The following AGRN variants were observed in gnomAD, a reference collection of about 807,000 sequenced individuals.
AGRN encodes the protein agrin.
AGRN carries 106 observed loss-of-function variants against 211.0 expected under a neutral mutation model. The observed-to-expected ratio is 0.50, with a 90% CI of 0.43 to 0.59. The LOEUF (loss-of-function observed/expected upper bound fraction) is 0.59, where lower values mean the gene tolerates loss of function less well. Among genes scored for constraint, AGRN ranks in the 20% least tolerant of loss-of-function variants. The probability of loss-of-function intolerance (pLI) is 0.00; values close to 1 mark genes in which losing one functional copy is unlikely to be tolerated. For missense variants in AGRN, 3,040 were observed against 2,982.6 expected (o/e 1.02, Z -0.45); for synonymous variants, 1,525 against 1,332.5 (o/e 1.14, Z -3.15).
chr1:1,041,115 AGCGGGGCG>A, intron 4 of AGRN, 50 bp from the exon 5 acceptor site: 1 of 706,894 alleles, frequency 1.4e-6, no homozygotes, highest in Non-Finnish European at 1.8e-6. Flanking sequence ...GCGGGGCGGG[AGCGGGGCG>A]GGAGCGGGGG....
chr1:1,054,590 G>A (rs986862015), intron 35 of AGRN, 39 bp downstream of exon 35: 3 of 1,553,780 alleles, frequency 1.9e-6, no homozygotes, highest in South Asian at 1.2e-5. Flanking sequence ...ATGCCCAAGG[G>A]TCTCATGATA....
intron 33 of AGRN, chr1:1,052,371 C>CTG (rs1035417514): frequency 5.9e-6 from 2 of 340,170 alleles, no homozygotes; most frequent in Admixed American, 8.4e-5. Flanking sequence ...GAATATCCAG[C>CTG]TGTGTGTGTG....
rs373117366 is a variant in AGRN at position 1,049,333 on chromosome 1, G to A, written c.4396G>A (p.Gly1466Ser). 4 of 1,598,174 alleles carry A rather than the reference G, an allele frequency of 2.5e-6. No homozygotes were observed. Among genetic ancestry groups the A allele is most frequent in the Non-Finnish European group, 2.5e-6 (3 of 1,179,546 alleles). Residue 1466 changes from glycine to serine, a missense_variant, in exon 25 of 36, where the codon GGC (glycine) becomes AGC (serine). By Grantham distance (56) the Gly-to-Ser change is moderately conservative (BLOSUM62 0). Transcript: ENST00000379370. ...GGAGCTGTCCCGGCACTGGCGCCGG[G>A]GCACCCTCTCGGTGGATGGTGAGAC... ...RLELSRHWRRGTLSVDGETPV... is the reference protein window; with the variant it reads ...RLELSRHWRRSTLSVDGETPV...
In AGRN at chr1:1,053,712, G is replaced by A. The variant is rs369508458; in HGVS notation, c.5652-41G>A. On this transcript the variant is annotated intron_variant, in intron 33 of 35. Coordinates refer to ENST00000379370, the MANE Select transcript of AGRN (RefSeq NM_198576.4). Reference sequence around the variant, plus strand: ...CCCGCCTCCCCCACCCTGTCCTGTTGCCACCTTCCTAGAGGCCCTGACCTG... The same window carrying A: ...CCCGCCTCCCCCACCCTGTCCTGTTACCACCTTCCTAGAGGCCCTGACCTG... The A allele has an allele frequency of 1.4e-5, 17 of 1,242,062 alleles. No homozygotes were observed. In the East Asian group the frequency reaches 2.3e-4, roughly 17 times the overall value. The allele number at this position is 1,242,062 out of a possible 1,614,324, so 76.9% of individuals were successfully genotyped here. A position where few individuals can be genotyped will look rare whatever the true frequency, so the allele number is the denominator to read the frequency against.
At position 1,044,385 on chromosome 1, in the gene AGRN, G is replaced by A; in HGVS notation, c.2200G>A (p.Ala734Thr). Reference sequence around the variant, plus strand: ...CAGCACCGAGTGTGAGCTGAAGAAGGCCAGGTGTGAGTCACAGCGAGGGCT... The same window carrying A: ...CAGCACCGAGTGTGAGCTGAAGAAGACCAGGTGTGAGTCACAGCGAGGGCT... The part of the protein sequence containing the change: ...TYSTECELKK[A>T]RCESQRGLYV... The change falls in exon 12 of 36, where the codon GCC (alanine) becomes ACC (threonine). Residue 734 changes from alanine to threonine, a missense_variant. Ala to Thr is a moderately conservative substitution (Grantham distance 58). Around this residue, in one of 3 missense-constraint regions of AGRN, gnomAD observed 1,498 missense variants for 1,457.8 expected, o/e 1.03. Transcript: ENST00000379370. The A allele has an allele frequency of 6.2e-7, 1 of 1,612,664 alleles. No homozygotes were observed.
At position 1,024,182 on chromosome 1, in the gene AGRN, G is replaced by A. The variant is rs548840245; in HGVS notation, c.463+1720G>A. ...TAGACCAGGGATATCTCGGGTGGCT[G>A]GGGTCCCTGGCTGCCGGGACAGGGT... is the stretch of plus-strand genomic sequence containing the variant. On this transcript the variant is annotated intron_variant, in intron 2 of 35. Coordinates refer to ENST00000379370, the MANE Select transcript of AGRN (RefSeq NM_198576.4). 2.0e-4 allele frequency among the ~76,000 whole-genome samples: 30 copies of A among 152,206 alleles called. No individual in the cohort carries two copies. In the South Asian group the frequency reaches 6.2e-3, roughly 32 times the overall value.
chr1:1,028,330 C>G (rs924947548), intron 2 of AGRN, among the ~76,000 whole-genome samples: 16 of 141,732 alleles, frequency 1.1e-4, no homozygotes, highest in South Asian at 2.4e-4. Flanking sequence ...GCCCCCCCCC[C>G]CCCCCCGCCC....
chr1:1,031,900 G>T lies in AGRN; in HGVS notation c.464-3377G>T, dbSNP rs1022978087. Among the ~76,000 whole-genome samples, 2 of 152,244 alleles carry T rather than the reference G, an allele frequency of 1.3e-5. No homozygotes were observed. Among genetic ancestry groups the T allele is most frequent in the African/African-American group, 4.8e-5 (2 of 41,464 alleles). On this transcript the variant is annotated intron_variant, in intron 2 of 35. Coordinates refer to ENST00000379370, the MANE Select transcript of AGRN (RefSeq NM_198576.4). The surrounding 1 kb of genome is among the most constrained non-coding windows in gnomAD (Gnocchi z 4.8). ...TGCCCCTGGGACTCAGAGCTGGGAG[G>T]TGAGAAATGGGGAATGCATGTGAAC...
At chr1:1,026,752 G>A (rs1412335932) in intron 2 of AGRN, among the ~76,000 whole-genome samples, 1 of 152,188 alleles carries the variant, frequency 6.6e-6, no homozygotes, top group Admixed American at 6.5e-5. Context: ...CCCACCTCAG[G>A]ATGGAACCCC....
intron 2 of AGRN, among the ~76,000 whole-genome samples, chr1:1,027,125 C>A (rs1363307955): frequency 3.9e-5 from 6 of 152,222 alleles, no homozygotes; most frequent in Non-Finnish European, 8.8e-5. Flanking sequence ...ACGGCCCCTC[C>A]CAGCCCCCTC....
chr1:1,054,199 C>T (rs139376381), intron 34 of AGRN, among the ~76,000 whole-genome samples: 4 of 152,314 alleles, frequency 2.6e-5, no homozygotes, highest in East Asian at 1.9e-4. Context: ...CGGAGCCTGC[C>T]GGGGGTCGCT....
Position 1,051,605 on chromosome 1 carries a change from C to T in AGRN, c.5523C>T (p.Cys1841=), listed in dbSNP as rs764192209. 3.1e-6 allele frequency: 5 copies of T among 1,608,124 alleles called. No individual in the cohort carries two copies. The highest frequency in any genetic ancestry group is 1.7e-4 in the Middle Eastern group (1 of 6,040). ...SCVPREAAYV[C]LCPGGFSGPH... ...TCCCGAGGGAGGCTGCCTATGTGTG[C>T]CTGTGTCCCGGGGGATTCTCAGGAC... The change falls in exon 32 of 36, where the codon TGC becomes TGT. Residue 1841 remains cysteine (C), a synonymous_variant. Coordinates refer to ENST00000379370, the MANE Select transcript of AGRN (RefSeq NM_198576.4).
chr1:1,026,292 C>G (rs1644520026), intron 2 of AGRN, among the ~76,000 whole-genome samples: 1 of 152,108 alleles, frequency 6.6e-6, no homozygotes, highest in South Asian at 2.1e-4. Flanking sequence ...CCTGCTGCAG[C>G]CTCCAGGCCA....
At chr1:1,051,069 C>A in intron 30 of AGRN, 184 bp from the exon 31 acceptor site, 1 of 1,548,736 alleles carries the variant, frequency 6.5e-7, no homozygotes, top group Non-Finnish European at 8.7e-7. Context: ...CATCCGCTCA[C>A]CGTCTCTGGC....
Position 1,047,596 on chromosome 1 carries a change from A to G in AGRN, c.3540A>G (p.Ser1180=), listed in dbSNP as rs769628654. 1.9e-6 allele frequency: 3 copies of G among 1,612,974 alleles called. No homozygotes were observed. Among genetic ancestry groups the G allele is most frequent in the Non-Finnish European group, 8.5e-7 (1 of 1,180,018 alleles). ...AGCTGGACGACCTCTTCCGGAATTC[A>G]GACGTCAAGAAGGATTTTCGGAGTG... is the stretch of plus-strand genomic sequence containing the variant. ...ESTLDDLFRN[S]DVKKDFRSVR... The change falls in exon 21 of 36, where the codon TCA becomes TCG. Residue 1180 remains serine (S), a synonymous_variant. Coordinates refer to ENST00000379370, the MANE Select transcript of AGRN (RefSeq NM_198576.4).
At position 1,035,161 on chromosome 1, in the gene AGRN, G is replaced by T. The variant is rs1274357190; in HGVS notation, c.464-116G>T. On this transcript the variant is annotated intron_variant, in intron 2 of 35. Coordinates refer to ENST00000379370, the MANE Select transcript of AGRN (RefSeq NM_198576.4). ...CCCTTCAGCAGCCTGGATCCCTGGG[G>T]CTAGCGGTGGGGGGGGGGGGGTGGG... is the stretch of plus-strand genomic sequence containing the variant. 7 of 1,167,178 alleles carry T rather than the reference G, an allele frequency of 6.0e-6. 1 individual carries two copies. In the East Asian group the frequency reaches 7.9e-5, roughly 13 times the overall value. The allele number at this position is 1,167,178 out of a possible 1,614,324, so 72.3% of individuals were successfully genotyped here. A position where few individuals can be genotyped will look rare whatever the true frequency, so the allele number is the denominator to read the frequency against.
chr1:1,049,251 G>T lies in AGRN; in HGVS notation c.4314G>T (p.Ser1438=), dbSNP rs375067610. The T allele has an allele frequency of 6.3e-7, 1 of 1,586,582 alleles. No individual in the cohort carries two copies. The highest frequency in any genetic ancestry group is 8.5e-7 in the Non-Finnish European group (1 of 1,172,678). Residue 1438 remains serine (S), a synonymous_variant, in exon 25 of 36, where the codon TCG becomes TCT. Coordinates refer to ENST00000379370, the MANE Select transcript of AGRN (RefSeq NM_198576.4). ...GRVQLRFDTG[S]GPAVLTSAVP... ...CTGCCCTCAGGTTTGACACAGGTTC[G>T]GGGCCGGCGGTGCTGACCAGTGCCG...
intron 2 of AGRN, among the ~76,000 whole-genome samples, chr1:1,028,310 G>A (rs1570148716): frequency 7.4e-6 from 1 of 134,526 alleles, no homozygotes; most frequent in East Asian, 2.2e-4. Flanking sequence ...TCTCTCTCCC[G>A]TGGGGAAACG....
rs369276144 is a variant in AGRN at position 1,049,684 on chromosome 1, G to A, written c.4633G>A (p.Val1545Met). Reference sequence around the variant, plus strand: ...GGGGGCTGCCACCCGAGGCTCTGGCGTGGGCGAGTGCGGGGACCACCCCTG... The same window carrying A: ...GGGGGCTGCCACCCGAGGCTCTGGCATGGGCGAGTGCGGGGACCACCCCTG... ...GPGAATRGSGVGECGDHPCLP... is the reference protein window; with the variant it reads ...GPGAATRGSGMGECGDHPCLP... Residue 1545 changes from valine to methionine, a missense_variant, in exon 26 of 36, where the codon GTG becomes ATG. Around this residue, in one of 3 missense-constraint regions of AGRN, gnomAD observed 1,537 missense variants for 1,505.0 expected, o/e 1.02. Transcript: ENST00000379370. The A allele has an allele frequency of 5.7e-5, 89 of 1,573,584 alleles. 1 individual carries two copies. Among genetic ancestry groups the A allele is most frequent in the Middle Eastern group, 5.0e-4 (3 of 6,008 alleles).
Sources: gnomAD v4.1 joint callset for allele counts (sites outside exome capture counted in the v4.1 genomes callset) on GRCh38, gnomAD v4.1.1 for gene constraint, gnomAD v4.1.1 regional missense constraint, Gnocchi (gnomAD v3.1) non-coding constraint, MANE v1.5 for transcripts, NCBI Gene and HGNC (gene_info 2026-07-23, HGNC 2026-07-21) for gene names.